FRMD8: variants seen among roughly 807,000 people sequenced by gnomAD.
FRMD8 encodes FERM domain-containing protein 8.
A neutral mutation model predicts 54.2 loss-of-function variants in FRMD8; 37 were observed. That is an observed-to-expected ratio of 0.68 (90% CI 0.53 to 0.90). The LOEUF is 0.90. Among genes scored for constraint, FRMD8 ranks in the 40% least tolerant of loss-of-function variants. The probability of loss-of-function intolerance (pLI) is 0.00; values close to 1 mark genes in which losing one functional copy is unlikely to be tolerated. For synonymous variants in FRMD8, 246 were observed against 286.9 expected, an observed-to-expected ratio of 0.86 and a Z score of 1.44; for missense variants, 585 against 653.7, an observed-to-expected ratio of 0.89 and a Z score of 1.15.
intron 1 of FRMD8, 48 bp downstream of exon 1, chr11:65,386,809 G>T (rs1347141369): frequency 7.4e-6 from 4 of 543,800 alleles, no homozygotes; most frequent in Non-Finnish European, 1.3e-5. Context: ...CCGGCTGGGC[G>T]TGCGCCTTGC....
At chr11:65,393,500 G>A (rs192208577) in intron 3 of FRMD8, 73 bp from the exon 4 acceptor site, 37 of 1,094,274 alleles carry the variant, frequency 3.4e-5, no homozygotes, top group East Asian at 1.7e-4. Context: ...CATGCTGTGC[G>A]GTGTGATAGG....
chr11:65,375,858 C>T, the FRMD8 span: 41 of 155,916 alleles, frequency 2.6e-4, no homozygotes, highest in Non-Finnish European at 5.4e-4. Context: ...GTCAGGAGAT[C>T]AAGACCATCC....
chr11:65,405,258 T>C (rs1434789666), intron 10 of FRMD8, among the ~76,000 whole-genome samples, 190 bp downstream of exon 10: 3 of 152,258 alleles, frequency 2.0e-5, no homozygotes, highest in Non-Finnish European at 4.4e-5. Context: ...CCCTTCTCAC[T>C]GCTGCGTCAC....
chr11:65,401,825 T>C (rs1677870429), intron 9 of FRMD8, among the ~76,000 whole-genome samples: 1 of 125,826 alleles, frequency 7.9e-6, no homozygotes, highest in African/African-American at 3.7e-5. Flanking sequence ...CACAATTTTC[T>C]TTTTTTTTTT....
intron 2 of FRMD8, among the ~76,000 whole-genome samples, chr11:65,388,152 G>A (rs1157138431): frequency 6.7e-6 from 1 of 148,226 alleles, no homozygotes; most frequent in Non-Finnish European, 1.5e-5. Context: ...CAACGAGGGT[G>A]AAACTCCGTC....
intron 7 of FRMD8, among the ~76,000 whole-genome samples, chr11:65,399,083 C>T (rs554181342): frequency 5.5e-4 from 83 of 151,674 alleles, no homozygotes; most frequent in Non-Finnish European, 9.6e-4. Context: ...CTGCGAGCTC[C>T]GCCTCCCAGG....
At chr11:65,396,218 C>T (rs1855951052) in intron 6 of FRMD8, among the ~76,000 whole-genome samples, 1 of 152,202 alleles carries the variant, frequency 6.6e-6, no homozygotes, top group Non-Finnish European at 1.5e-5. Context: ...CCCATGGGGG[C>T]CCTTGGTGCA....
rs1007967771 is a variant in FRMD8, at chr11:65,400,666, G to A, written c.928-58G>A. 5.5e-5 allele frequency: 82 copies of A among 1,478,002 alleles called. No individual in the cohort carries two copies. In the African/African-American group the frequency reaches 9.5e-4, roughly 17 times the overall value. The allele number at this position is 1,478,002 out of a possible 1,614,324, so 91.6% of individuals were successfully genotyped here. Reference sequence around the variant, plus strand: ...TGGCCAGGTGTCTGAGTGGGATGGGGTGGGGAGCAGACCTCTGCCCAGGGG... The same window carrying A: ...TGGCCAGGTGTCTGAGTGGGATGGGATGGGGAGCAGACCTCTGCCCAGGGG... On this transcript the variant is annotated intron_variant, in intron 8 of 10. Transcript: ENST00000317568. The surrounding 1 kb of genome is among the most constrained non-coding windows in gnomAD (Gnocchi z 4.3).
chr11:65,408,341 T>G (rs965677947), intron 10 of FRMD8, among the ~76,000 whole-genome samples: 1 of 152,126 alleles, frequency 6.6e-6, no homozygotes, highest in Admixed American at 6.6e-5. Context: ...CCCAAAGTGC[T>G]GGGATTACAG....
chr11:65,390,354 G>A (rs893757916), intron 3 of FRMD8, among the ~76,000 whole-genome samples: 25 of 152,094 alleles, frequency 1.6e-4, no homozygotes, highest in African/African-American at 5.8e-4. Context: ...GCCATAGGCC[G>A]GGCGAGTTTT....
Position 65,400,792 on chromosome 11 carries a change from C to T in FRMD8, c.996C>T (p.Pro332=), listed in dbSNP as rs1856058769. ...ACACCTCCCCCGAGGAGGAGGAGCC[C>T]ATCTTGTGGCTGGAGTTCGACGGGG... is the stretch of plus-strand genomic sequence containing the variant. ...WDHTSPEEEE[P]ILWLEFDGDS... The change falls in exon 9 of 11, where the codon CCC becomes CCT. Residue 332 remains proline (P), a synonymous_variant. Transcript: ENST00000317568. This position sits in a 1 kb window ranked among gnomAD's most constrained non-coding sequence, Gnocchi z 4.3. 1.9e-6 allele frequency: 3 copies of T among 1,612,846 alleles called. No homozygotes were observed. Among genetic ancestry groups the T allele is most frequent in the East Asian group, 4.5e-5 (2 of 44,860 alleles).
At chr11:65,386,824 C>A in intron 1 of FRMD8, 63 bp downstream of exon 1, 1 of 569,168 alleles carries the variant, frequency 1.8e-6, no homozygotes, top group Non-Finnish European at 3.1e-6. Context: ...CCTTGCCCTG[C>A]CTGGGCATCC....
the FRMD8 span, among the ~76,000 whole-genome samples, chr11:65,372,081 T>C: frequency 6.6e-6 from 1 of 151,896 alleles, no homozygotes; most frequent in Non-Finnish European, 1.5e-5. Flanking sequence ...CTGGCTAATT[T>C]TTGTGTTTTT....
At chr11:65,379,025 G>C in the FRMD8 span, 134,246 of 291,690 alleles carry the variant, frequency 0.46, 35,280 homozygotes, top group Non-Finnish European at 0.56. Flanking sequence ...CGGGGTGCTG[G>C]TGGTTCTCCA....
Position 65,393,677 on chromosome 11 carries a change from C to G in FRMD8, c.355+3C>G. The G allele has an allele frequency of 1.2e-6, 2 of 1,600,610 alleles. No homozygotes were observed. Among genetic ancestry groups the G allele is most frequent in the South Asian group, 1.1e-5 (1 of 90,724 alleles). On this transcript the variant is annotated splice_donor_region_variant and intron_variant, in intron 4 of 10. Transcript: ENST00000317568. ...CCCAGACGATGACGTGGCCATGGGT[C>G]AGTGCTGCTGCCTGTCTGTCCTTGC...
At chr11:65,369,090 T>C in the FRMD8 span, among the ~76,000 whole-genome samples, 4 of 152,036 alleles carry the variant, frequency 2.6e-5, no homozygotes, top group Non-Finnish European at 5.9e-5. Context: ...ATCTCTAACA[T>C]AATGGAAGGC....
chr11:65,376,353 A>C, the FRMD8 span: 40 of 1,589,662 alleles, frequency 2.5e-5, no homozygotes, highest in Non-Finnish European at 3.4e-5. Context: ...TCCAATCTCA[A>C]ACTGGCCTCC....
chr11:65,407,503 T>C (rs1856227201), intron 10 of FRMD8, among the ~76,000 whole-genome samples: 1 of 151,916 alleles, frequency 6.6e-6, no homozygotes. Context: ...CTGCTCACCT[T>C]GGACTACCAA....
intron 9 of FRMD8, among the ~76,000 whole-genome samples, chr11:65,403,416 C>A (rs937478384): frequency 6.6e-6 from 1 of 152,200 alleles, no homozygotes; most frequent in Non-Finnish European, 1.5e-5. Flanking sequence ...CTCCTGACCT[C>A]AGGTGATCCA....
Sources: allele counts gnomAD v4.1 joint callset (sites outside exome capture counted in the v4.1 genomes callset), GRCh38; gene constraint gnomAD v4.1.1; non-coding constraint Gnocchi (gnomAD v3.1); transcripts MANE v1.5; gene names NCBI Gene and HGNC (gene_info 2026-07-23, HGNC 2026-07-21).